TBX15: variants seen among roughly 807,000 people sequenced by gnomAD.
TBX15 encodes T-box transcription factor 15.
Under a neutral mutation model 53.9 loss-of-function variants are expected in TBX15, and 18 were observed. The ratio of observed to expected loss-of-function variants is 0.33; its 90% CI spans 0.23 to 0.49. The LOEUF (loss-of-function observed/expected upper bound fraction) is 0.49. Among genes scored for constraint, TBX15 ranks in the 20% least tolerant of loss-of-function variants. The pLI is 0.98. For missense variants in TBX15, 692 were observed against 749.5 expected (o/e 0.92, Z 0.90); for synonymous variants, 295 against 278.0 (o/e 1.06, Z -0.61).
intron 1 of TBX15, among the ~76,000 whole-genome samples, chr1:118,958,420 A>T (rs1363125883): frequency 1.3e-5 from 2 of 152,262 alleles, no homozygotes; most frequent in Non-Finnish European, 2.9e-5. Flanking sequence ...CAACCTGAGC[A>T]GACTAAAACA....
At chr1:118,947,386 T>G (rs1432051182) in intron 1 of TBX15, among the ~76,000 whole-genome samples, 1 of 152,216 alleles carries the variant, frequency 6.6e-6, no homozygotes, top group African/African-American at 2.4e-5. Flanking sequence ...CATTTTATGG[T>G]GAAAGGAACT....
intron 1 of TBX15, among the ~76,000 whole-genome samples, chr1:118,984,295 A>C (rs1250424766): frequency 6.6e-6 from 1 of 152,226 alleles, no homozygotes; most frequent in Non-Finnish European, 1.5e-5. Context: ...TCTGGAACGC[A>C]GCTGCTGTGT....
At position 118,988,029 on chromosome 1, in the gene TBX15, G is replaced by A; in HGVS notation, c.-234C>T. 2 of 596,776 alleles carry A rather than the reference G, an allele frequency of 3.4e-6. No homozygotes were observed. The highest frequency in any genetic ancestry group is 2.1e-5 in the South Asian group (1 of 47,910). The allele number at this position is 596,776 out of a possible 1,614,324, so 37.0% of individuals were successfully genotyped here. A position where few individuals can be genotyped will look rare whatever the true frequency, so the allele number is the denominator to read the frequency against. On this transcript the variant is annotated 5_prime_UTR_variant, in exon 1 of 8. Coordinates refer to ENST00000369429, the MANE Select transcript of TBX15 (RefSeq NM_001330677.2). ...CCCAGCTGCTAGGAACTAGCGCCCC[G>A]AGCGCCGCCCGCTCGCTGCATGAGC...
At chr1:118,939,921 C>T (rs1656113124) in intron 1 of TBX15, among the ~76,000 whole-genome samples, 1 of 151,784 alleles carries the variant, frequency 6.6e-6, no homozygotes, top group African/African-American at 2.4e-5. Flanking sequence ...GGCATTATTG[C>T]TGCCATTTTA....
chr1:118,909,355 T>C (rs1347513625), intron 6 of TBX15, among the ~76,000 whole-genome samples: 5 of 152,230 alleles, frequency 3.3e-5, no homozygotes, highest in African/African-American at 9.6e-5. Flanking sequence ...CCCAGAAATG[T>C]AGGCCTCCTC....
rs142815404 is a variant in TBX15 at position 118,921,646 on chromosome 1, G to A, written c.861+1790C>T. On this transcript the variant is annotated intron_variant, in intron 5 of 7. Transcript: ENST00000369429. ...GTCTCCAAATGTCTAGCCCATTGCT[G>A]TCTGTGGAGCAGGACACTGCTTTTC... 2.2e-4 allele frequency among the ~76,000 whole-genome samples: 33 copies of A among 152,332 alleles called. No homozygotes were observed. In the East Asian group the frequency reaches 5.4e-3, roughly 25 times the overall value.
chr1:118,934,176 G>A (rs908147020), intron 1 of TBX15, among the ~76,000 whole-genome samples: 2 of 152,054 alleles, frequency 1.3e-5, no homozygotes, highest in Non-Finnish European at 2.9e-5. Flanking sequence ...TTAACCACAG[G>A]GGGGGCCTAG....
Position 118,931,558 on chromosome 1 carries a change from G to A in TBX15, c.419+61C>T, listed in dbSNP as rs866082145. The A allele has an allele frequency of 1.5e-5, 23 of 1,568,556 alleles. No individual in the cohort carries two copies. The Middle Eastern group carries it at 2.0e-3, about 136-fold the overall frequency. ...CACAAATAAATAAGAATGGAAGAAT[G>A]TAATGGCTCCTACTTCTGCAAATTC... On this transcript the variant is annotated intron_variant, in intron 2 of 7. Transcript: ENST00000369429.
intron 1 of TBX15, among the ~76,000 whole-genome samples, chr1:118,970,344 T>C (rs1355819835): frequency 6.6e-6 from 1 of 152,172 alleles, no homozygotes; most frequent in East Asian, 1.9e-4. Flanking sequence ...GAACCCACAA[T>C]GACACTGGGT....
intron 1 of TBX15, among the ~76,000 whole-genome samples, chr1:118,933,499 TTACATGTCTAAGCACATAATTTTATAC>T (rs1417069154): frequency 6.6e-6 from 1 of 151,332 alleles, no homozygotes; most frequent in East Asian, 1.9e-4. Context: ...TAACTAGGTT[TTACATGTCTAAGCACATAATTTTATAC>T]CTAGGACTAA....
At chr1:118,952,372 C>T (rs991273349) in intron 1 of TBX15, among the ~76,000 whole-genome samples, 1 of 151,962 alleles carries the variant, frequency 6.6e-6, no homozygotes, top group African/African-American at 2.4e-5. Context: ...AGCACCACAA[C>T]CCTCACATTT....
intron 2 of TBX15, among the ~76,000 whole-genome samples, chr1:118,926,959 C>T (rs1320434874): frequency 3.9e-5 from 6 of 152,124 alleles, no homozygotes; most frequent in South Asian, 2.1e-4. Context: ...CTCCTGACCT[C>T]GTGATCTGCC....
chr1:118,987,544 G>A (rs1304445878), intron 1 of TBX15, 47 bp downstream of exon 1: 1 of 1,524,330 alleles, frequency 6.6e-7, no homozygotes, highest in Admixed American at 2.0e-5. Context: ...TGGCCCTTCG[G>A]CGTCCCCTCT....
upstream of TBX15, chr1:118,989,475 A>T (rs1022297873): frequency 2.0e-5 from 3 of 152,170 alleles, no homozygotes; most frequent in Non-Finnish European, 2.9e-5. Context: ...TTTCGCGGAC[A>T]GCGGCCTAGA....
At chr1:118,912,519 T>C (rs1571167862) in intron 6 of TBX15, among the ~76,000 whole-genome samples, 1 of 152,054 alleles carries the variant, frequency 6.6e-6, no homozygotes, top group Non-Finnish European at 1.5e-5. Context: ...CCCCAAAGAA[T>C]CACCACCAAG....
At chr1:118,989,272 T>C (rs1657958567), upstream of TBX15, 1 of 152,308 alleles carries the variant, frequency 6.6e-6, no homozygotes, top group African/African-American at 2.4e-5. Context: ...CCCTGCCTTT[T>C]GCGATCTCTA....
Position 118,972,443 on chromosome 1 carries a change from C to T in TBX15, c.205+15148G>A, listed in dbSNP as rs1007255508. On this transcript the variant is annotated intron_variant, in intron 1 of 7. Transcript: ENST00000369429. ...ATTTTATGGGAAAAAGCAGGAGGAA[C>T]GGTGCTCCAGACAGCAGCAATAATG... Among the ~76,000 whole-genome samples the T allele has an allele frequency of 3.3e-5, 5 of 152,048 alleles. 1 individual carries two copies. Among genetic ancestry groups the T allele is most frequent in the South Asian group, 4.2e-4 (2 of 4,812 alleles).
At chr1:118,940,225 CCT>C (rs1181998972) in intron 1 of TBX15, among the ~76,000 whole-genome samples, 8 of 151,926 alleles carry the variant, frequency 5.3e-5, no homozygotes, top group East Asian at 3.9e-4. Context: ...GGAATTTTCC[CCT>C]GTTAGTACAA....
intron 7 of TBX15, among the ~76,000 whole-genome samples, chr1:118,893,056 T>C (rs2101466159): frequency 6.6e-6 from 1 of 151,998 alleles, no homozygotes; most frequent in East Asian, 1.9e-4. Flanking sequence ...ATGGCCAGCA[T>C]GGTGAAACCA....
Sources: allele counts gnomAD v4.1 joint callset (sites outside exome capture counted in the v4.1 genomes callset), GRCh38; gene constraint gnomAD v4.1.1; transcripts MANE v1.5; gene names NCBI Gene and HGNC (gene_info 2026-07-23, HGNC 2026-07-21).